PRDM16: variants seen among roughly 807,000 people sequenced by gnomAD.
PRDM16 encodes histone-lysine N-methyltransferase PRDM16.
Under a neutral mutation model 110.6 loss-of-function variants are expected in PRDM16, and 23 were observed. The ratio of observed to expected loss-of-function variants is 0.21; its 90% CI spans 0.15 to 0.29. The LOEUF (loss-of-function observed/expected upper bound fraction) is 0.29, where lower values mean the gene tolerates loss of function less well. PRDM16 is among the 10% of genes least tolerant of loss of function. The probability of loss-of-function intolerance (pLI) is 1.00; values close to 1 mark genes in which losing one functional copy is unlikely to be tolerated. For missense variants in PRDM16, 1,615 were observed against 1,794.3 expected, an observed-to-expected ratio of 0.90 and a Z score of 1.81; for synonymous variants, 799 against 781.8, an observed-to-expected ratio of 1.02 and a Z score of -0.37.
chr1:3,233,536 G>C (rs576170274), intron 2 of PRDM16, among the ~76,000 whole-genome samples: 1 of 152,208 alleles, frequency 6.6e-6, no homozygotes, highest in African/African-American at 2.4e-5. Context: ...GCCTTTGGAA[G>C]ATGGAAAACC....
chr1:3,418,746 T>C lies in PRDM16; in HGVS notation c.2939+2T>C. The C allele has an allele frequency of 6.2e-7, 1 of 1,612,374 alleles. No individual in the cohort carries two copies. The highest frequency in any genetic ancestry group is 8.5e-7 in the Non-Finnish European group (1 of 1,178,868). On this transcript the variant is annotated splice_donor_variant, in intron 12 of 16. Transcript: ENST00000270722. LOFTEE classifies it high-confidence loss of function. ...GCACACTGGGGAGCAGCCGTACAGGTAGGTGCTGCGTGGGCTGGGTGTGGG... is the reference window on the plus strand; with the variant it reads ...GCACACTGGGGAGCAGCCGTACAGGCAGGTGCTGCGTGGGCTGGGTGTGGG...
rs888057054 is a variant in PRDM16 at position 3,382,988 on chromosome 1, G to A, written c.439-2164G>A. ...TCCCCCCGCCGCCAATGTTTTCCTC[G>A]GGCTCCAGCCCCTAGCCTAGTTATG... On this transcript the variant is annotated intron_variant, in intron 3 of 16. Transcript: ENST00000270722. The surrounding 1 kb of genome is among the most constrained non-coding windows in gnomAD (Gnocchi z 6.6). Among the ~76,000 whole-genome samples the A allele has an allele frequency of 1.3e-5, 2 of 152,148 alleles. No homozygotes were observed. The highest frequency in any genetic ancestry group is 2.4e-5 in the African/African-American group (1 of 41,426).
intron 3 of PRDM16, among the ~76,000 whole-genome samples, chr1:3,284,831 C>T (rs574890107): frequency 1.3e-5 from 2 of 152,330 alleles, no homozygotes; most frequent in African/African-American, 4.8e-5. Flanking sequence ...CAGGCCAGGG[C>T]AGAGCAGAGA....
chr1:3,404,879 G>C lies in PRDM16; in HGVS notation c.1025G>C (p.Cys342Ser). ...DSGKRFECEN[C>S]VKVFTDPSNL... ...GGCAAACGCTTCGAATGTGAAAACT[G>C]CGTGAAGGTAACCTGCGGGGCGGCC... The change falls in exon 7 of 17, where the codon TGC becomes TCC. Residue 342 changes from cysteine (C) to serine (S), a missense_variant. Around this residue, in one of 5 missense-constraint regions of PRDM16, gnomAD observed 82 missense variants for 144.4 expected, o/e 0.57. Coordinates refer to ENST00000270722, the MANE Select transcript of PRDM16 (RefSeq NM_022114.4). The C allele has an allele frequency of 6.2e-7, 1 of 1,612,970 alleles. No homozygotes were observed. The highest frequency in any genetic ancestry group is 8.5e-7 in the Non-Finnish European group (1 of 1,179,900).
chr1:3,344,387 G>T (rs868223779), intron 3 of PRDM16, among the ~76,000 whole-genome samples: 125 of 151,982 alleles, frequency 8.2e-4, no homozygotes, highest in African/African-American at 2.9e-3. Context: ...TTTTCTTTTG[G>T]TTTTTAATTA....
intron 5 of PRDM16, among the ~76,000 whole-genome samples, chr1:3,399,500 G>A (rs1249131057): frequency 6.6e-6 from 1 of 152,148 alleles, no homozygotes; most frequent in East Asian, 1.9e-4. Flanking sequence ...ACTCAGTAAG[G>A]GCAGGCCAGG....
intron 3 of PRDM16, among the ~76,000 whole-genome samples, chr1:3,305,139 G>A (rs986094611): frequency 6.6e-6 from 1 of 152,188 alleles, no homozygotes; most frequent in Admixed American, 6.5e-5. Flanking sequence ...AGGGGAAGCT[G>A]GCACCTGCCC....
intron 1 of PRDM16, among the ~76,000 whole-genome samples, chr1:3,133,979 G>A (rs547694234): frequency 1.3e-5 from 2 of 152,334 alleles, no homozygotes; most frequent in South Asian, 4.1e-4. Flanking sequence ...GGAGGCTAGA[G>A]TTTTACTTTC....
chr1:3,082,456 C>A (rs753662215), intron 1 of PRDM16, among the ~76,000 whole-genome samples: 39 of 152,310 alleles, frequency 2.6e-4, no homozygotes, highest in Non-Finnish European at 5.4e-4. Flanking sequence ...CCTCAGCCTG[C>A]AGGGTCTGGG....
chr1:3,251,300 G>A (rs1446806124), intron 3 of PRDM16, among the ~76,000 whole-genome samples: 1 of 27,580 alleles, frequency 3.6e-5, no homozygotes, highest in Non-Finnish European at 7.1e-5. Context: ...CGTGCTGCGT[G>A]GTTCAGGGGT....
Position 3,412,359 on chromosome 1 carries a change from A to G in PRDM16, c.2162A>G (p.Tyr721Cys). ...GAGAAGAAGCTGGGCTCGCTCCCCTACCACTCGGCGTTCCCCTTCCAGTTC... is the reference window on the plus strand; with the variant it reads ...GAGAAGAAGCTGGGCTCGCTCCCCTGCCACTCGGCGTTCCCCTTCCAGTTC... ...MQEKKLGSLP[Y>C]HSAFPFQFLP... The change falls in exon 9 of 17, where the codon TAC becomes TGC. Residue 721 changes from tyrosine (Y) to cysteine (C), a missense_variant. Coordinates refer to ENST00000270722, the MANE Select transcript of PRDM16 (RefSeq NM_022114.4). 1.2e-6 allele frequency: 2 copies of G among 1,613,476 alleles called. No homozygotes were observed. The highest frequency in any genetic ancestry group is 2.2e-5 in the East Asian group (1 of 44,854).
rs191798831 is a variant in PRDM16, at chr1:3,404,788, G to A, written c.934G>A (p.Asp312Asn). The change falls in exon 7 of 17, where the codon GAC becomes AAC. Residue 312 changes from aspartate (D) to asparagine (N), a missense_variant. This residue lies in a region of PRDM16 where 416 missense variants were observed against 467.1 expected (regional missense o/e 0.89). Transcript: ENST00000270722. ...CACGGAGGAGCGCGAGTACAAATGC[G>A]ACCAGTGTCCCAAGGCCTTCAACTG... ...IHTEEREYKCDQCPKAFNWKS... is the reference protein window; with the variant it reads ...IHTEEREYKCNQCPKAFNWKS... 1.3e-4 allele frequency: 208 copies of A among 1,613,618 alleles called. No individual in the cohort carries two copies. The African/African-American group carries it at 1.8e-3, about 14-fold the overall frequency.
At chr1:3,275,911 G>A (rs1044524444) in intron 3 of PRDM16, among the ~76,000 whole-genome samples, 4 of 152,190 alleles carry the variant, frequency 2.6e-5, no homozygotes, top group South Asian at 2.1e-4. Flanking sequence ...TTCACATTGC[G>A]GCCAAGACCA....
chr1:3,426,301 C>T, intron 14 of PRDM16, 76 bp downstream of exon 14: 4 of 1,249,216 alleles, frequency 3.2e-6, no homozygotes, highest in Non-Finnish European at 4.6e-6. Context: ...AGAGGACATG[C>T]ACCTCCACCC....
Position 3,141,427 on chromosome 1 carries a change from G to C in PRDM16, c.38-44698G>C, listed in dbSNP as rs536843254. Among the ~76,000 whole-genome samples, 45 of 152,336 alleles carry C rather than the reference G, an allele frequency of 3.0e-4. 2 individuals are homozygous for C. In the South Asian group the frequency reaches 9.3e-3, roughly 32 times the overall value. On this transcript the variant is annotated intron_variant, in intron 1 of 16. Coordinates refer to ENST00000270722, the MANE Select transcript of PRDM16 (RefSeq NM_022114.4). ...TGTCTGCAGCCTCCTCGGTCTCCCC[G>C]CATTAGCAGAACAAATGGCGCAGAG...
chr1:3,187,927 TG>T, intron 2 of PRDM16, among the ~76,000 whole-genome samples: 1 of 152,232 alleles, frequency 6.6e-6, no homozygotes, highest in South Asian at 2.1e-4. Flanking sequence ...GCAGCCCCTG[TG>T]GAACGGGCGT....
intron 1 of PRDM16, among the ~76,000 whole-genome samples, chr1:3,116,919 G>A (rs551778979): frequency 2.6e-5 from 4 of 152,244 alleles, no homozygotes; most frequent in South Asian, 2.1e-4. Context: ...GCCCAAGCCC[G>A]ACCTCCCTCC....
chr1:3,325,866 C>T (rs1191398851), intron 3 of PRDM16, among the ~76,000 whole-genome samples: 1 of 150,398 alleles, frequency 6.6e-6, no homozygotes, highest in African/African-American at 2.4e-5. Context: ...TAGCGGTTCT[C>T]AGTGAGCCAT....
chr1:3,102,168 A>C (rs1642549152), intron 1 of PRDM16, among the ~76,000 whole-genome samples: 1 of 152,182 alleles, frequency 6.6e-6, no homozygotes, highest in African/African-American at 2.4e-5. Flanking sequence ...CCCAGAGCTC[A>C]GAGAGGGTGG....
Sources: gnomAD v4.1 joint callset for allele counts (sites outside exome capture counted in the v4.1 genomes callset) on GRCh38, gnomAD v4.1.1 for gene constraint, gnomAD v4.1.1 regional missense constraint, Gnocchi (gnomAD v3.1) non-coding constraint, MANE v1.5 for transcripts, NCBI Gene and HGNC (gene_info 2026-07-23, HGNC 2026-07-21) for gene names.